OTUD7B: variants seen among roughly 807,000 people sequenced by gnomAD.
The protein encoded by OTUD7B is OTU domain-containing protein 7B.
In OTUD7B, 34 loss-of-function variants were observed where a neutral mutation model predicts 82.2. That is an observed-to-expected ratio of 0.41 (90% CI 0.31 to 0.55). The LOEUF is 0.55. Among genes scored for constraint, OTUD7B ranks in the 20% least tolerant of loss-of-function variants. The pLI is 0.20. For synonymous variants in OTUD7B, 398 were observed against 402.7 expected (o/e 0.99, Z 0.14); for missense variants, 944 against 1,062.1 (o/e 0.89, Z 1.55).
At chr1:149,983,733 G>C (rs1650946069) in intron 1 of OTUD7B, among the ~76,000 whole-genome samples, 1 of 152,146 alleles carries the variant, frequency 6.6e-6, no homozygotes, top group Non-Finnish European at 1.5e-5. Context: ...GCCACTGAAA[G>C]GTTGCACGCA....
chr1:150,002,769 C>T (rs1425520913), intron 1 of OTUD7B, among the ~76,000 whole-genome samples: 2 of 152,110 alleles, frequency 1.3e-5, no homozygotes, highest in African/African-American at 2.4e-5. Context: ...AAGAAAGCAT[C>T]GCAGCCCCGC....
rs782717826 is a variant in OTUD7B, at chr1:149,968,079, C to A, written c.275-558G>T. Among the ~76,000 whole-genome samples, 4 of 152,108 alleles carry A rather than the reference C, an allele frequency of 2.6e-5. No individual in the cohort carries two copies. The East Asian group carries it at 5.8e-4, about 22-fold the overall frequency. On this transcript the variant is annotated intron_variant, in intron 3 of 11. Coordinates refer to ENST00000581312, the MANE Select transcript of OTUD7B (RefSeq NM_020205.4). The stretch of plus-strand genomic sequence containing the variant: ...AGGTGTTCAAGAGCAGCCTGACCAA[C>A]GTGGTGAAACACTGTCTCTACTAAA...
intron 1 of OTUD7B, among the ~76,000 whole-genome samples, chr1:149,984,484 T>G: frequency 6.6e-6 from 1 of 152,214 alleles, no homozygotes; most frequent in East Asian, 1.9e-4. Context: ...TGGCCCTGTG[T>G]CTTGGTCGTC....
intron 1 of OTUD7B, among the ~76,000 whole-genome samples, chr1:150,002,169 GT>G (rs1336021264): frequency 2.7e-5 from 4 of 150,922 alleles, no homozygotes; most frequent in African/African-American, 7.3e-5. Context: ...TTCTGTTTGG[GT>G]TTTTTCCCTG....
At chr1:149,952,000 A>T (rs1272964984) in intron 7 of OTUD7B, among the ~76,000 whole-genome samples, 13 of 152,060 alleles carry the variant, frequency 8.5e-5, no homozygotes, top group Admixed American at 2.0e-4. Flanking sequence ...ATGCACCCAA[A>T]GCTACTCCTC....
At chr1:149,985,210 C>G (rs1651046543) in intron 1 of OTUD7B, among the ~76,000 whole-genome samples, 13 of 152,126 alleles carry the variant, frequency 8.5e-5, no homozygotes, top group Admixed American at 8.5e-4. Flanking sequence ...AAGTTCAAGA[C>G]CAGCCTAGCC....
At chr1:150,014,996 GA>G (rs1653225900), upstream of OTUD7B, among the ~76,000 whole-genome samples, 1 of 151,930 alleles carries the variant, frequency 6.6e-6, no homozygotes, top group African/African-American at 2.4e-5. Flanking sequence ...TTATTTGATT[GA>G]TATTTACTTC....
chr1:149,949,174 C>T (rs1571594834), intron 9 of OTUD7B, 91 bp from the exon 10 acceptor site: 1 of 764,082 alleles, frequency 1.3e-6, no homozygotes, highest in East Asian at 2.7e-5. Flanking sequence ...ATACTAAGGT[C>T]TTTAATTGTA....
chr1:149,967,364 A>G lies in OTUD7B; in HGVS notation c.432T>C (p.Asn144=). Residue 144 remains asparagine, a synonymous_variant, in exon 4 of 12, where the codon AAT becomes AAC. Coordinates refer to ENST00000581312, the MANE Select transcript of OTUD7B (RefSeq NM_020205.4). ...TCTCTATGAAGCTGCGGAAGTCTTC[A>G]TTGTATACAGTGAGATCTGGAAGCT... ...AFQLPDLTVY[N]EDFRSFIERD... 1.2e-6 allele frequency: 2 copies of G among 1,614,158 alleles called. No homozygotes were observed. The highest frequency in any genetic ancestry group is 1.3e-5 in the African/African-American group (1 of 75,044).
Position 149,949,030 on chromosome 1 carries a change from C to T in OTUD7B, c.1177G>A (p.Val393Met). The T allele has an allele frequency of 4.3e-6, 7 of 1,614,180 alleles. No homozygotes were observed. Among genetic ancestry groups the T allele is most frequent in the African/African-American group, 4.0e-5 (3 of 75,060 alleles). The change falls in exon 10 of 12, where the codon GTG (valine) becomes ATG (methionine). Residue 393 changes from valine to methionine, a missense_variant. Coordinates refer to ENST00000581312, the MANE Select transcript of OTUD7B (RefSeq NM_020205.4). ...CACTCCCAGCCCTTTCCAGGGTCCA[C>T]AGCAAAGTGCAAGGGCAGCAGCTTA... ...EYKLLPLHFA[V>M]DPGKGWEWGK...
intron 1 of OTUD7B, among the ~76,000 whole-genome samples, chr1:149,989,754 G>A (rs1377152391): frequency 1.9e-5 from 2 of 105,344 alleles, no homozygotes; most frequent in Non-Finnish European, 3.6e-5. Flanking sequence ...AAAAGAAGAA[G>A]AAGAAGGTGG....
intron 6 of OTUD7B, among the ~76,000 whole-genome samples, chr1:149,960,342 T>A (rs1031153750): frequency 2.0e-5 from 3 of 151,082 alleles, no homozygotes; most frequent in Admixed American, 6.6e-5. Context: ...ATATACCATC[T>A]ATCTCCAGCC....
At chr1:149,956,648 C>T (rs1648696969) in intron 7 of OTUD7B, among the ~76,000 whole-genome samples, 1 of 152,238 alleles carries the variant, frequency 6.6e-6, no homozygotes, top group Non-Finnish European at 1.5e-5. Context: ...TGGTTCCATT[C>T]TCCCCGTCAC....
intron 3 of OTUD7B, among the ~76,000 whole-genome samples, chr1:149,968,262 CAAAAAAA>C (rs61307639): frequency 3.0e-5 from 4 of 131,212 alleles, no homozygotes; most frequent in East Asian, 2.2e-4. Flanking sequence ...GACCCCGTTT[CAAAAAAA>C]AAAAAAAAAG....
chr1:149,955,774 T>A (rs1198145052), intron 7 of OTUD7B, among the ~76,000 whole-genome samples: 7 of 152,188 alleles, frequency 4.6e-5, no homozygotes, highest in Non-Finnish European at 1.0e-4. Flanking sequence ...GTTGAATTGA[T>A]CCCTTTACCA....
intron 2 of OTUD7B, among the ~76,000 whole-genome samples, chr1:149,974,553 T>TC (rs2101849384): frequency 2.9e-5 from 1 of 34,280 alleles, no homozygotes; most frequent in African/African-American, 8.6e-5. Context: ...TTAGTTAACT[T>TC]TTTTTTTTTT....
At chr1:150,006,590 T>G (rs1329681675) in intron 1 of OTUD7B, among the ~76,000 whole-genome samples, 1 of 152,198 alleles carries the variant, frequency 6.6e-6, no homozygotes, top group African/African-American at 2.4e-5. Context: ...AAAAACACAG[T>G]TGAAAATAAC....
At chr1:150,052,828 A>AAC in the OTUD7B span, among the ~76,000 whole-genome samples, 9 of 151,368 alleles carry the variant, frequency 5.9e-5, no homozygotes, top group Non-Finnish European at 1.2e-4. Context: ...AAAAACAAAA[A>AAC]AAAAAACAGG....
chr1:150,037,249 C>CTTTT, the OTUD7B span, among the ~76,000 whole-genome samples: 182 of 147,034 alleles, frequency 1.2e-3, no homozygotes, highest in African/African-American at 3.5e-3. Flanking sequence ...AAAATACCCT[C>CTTTT]TTTTTTTTTT....
Sources: gnomAD v4.1 joint callset for allele counts (sites outside exome capture counted in the v4.1 genomes callset) on GRCh38, gnomAD v4.1.1 for gene constraint, MANE v1.5 for transcripts, NCBI Gene and HGNC (gene_info 2026-07-23, HGNC 2026-07-21) for gene names.